The following ZNF274 variants were observed in gnomAD, a reference collection of about 807,000 sequenced individuals.
ZNF274 encodes zinc finger protein 274.
A neutral mutation model predicts 42.5 loss-of-function variants in ZNF274; 23 were observed. That is an observed-to-expected ratio of 0.54 (90% confidence interval 0.39 to 0.77). The LOEUF (loss-of-function observed/expected upper bound fraction) is 0.77, where lower values mean the gene tolerates loss of function less well. ZNF274 is among the 30% of genes least tolerant of loss of function. The pLI, the probability that ZNF274 is intolerant of heterozygous loss-of-function variation, is 0.00. For missense variants in ZNF274, 679 were observed against 806.5 expected, an observed-to-expected ratio of 0.84 and a Z score of 1.91; for synonymous variants, 292 against 305.4, an observed-to-expected ratio of 0.96 and a Z score of 0.46.
intron 4 of ZNF274, among the ~76,000 whole-genome samples, chr19:58,196,540 AAGTT>A (rs1296119064): frequency 2.0e-5 from 3 of 152,202 alleles, no homozygotes; most frequent in Admixed American, 1.3e-4. Flanking sequence ...AAAAAAAACA[AAGTT>A]AAGTAGGAAA....
rs113292191 is a variant in ZNF274, at chr19:58,204,346, A to AG, written c.257-2367dup. Among the ~76,000 whole-genome samples the AG allele has an allele frequency of 9.2e-5, 14 of 151,576 alleles. No homozygotes were observed. The South Asian group carries it at 1.5e-3, about 16-fold the overall frequency. On this transcript the variant is annotated intron_variant, in intron 4 of 7. Coordinates refer to ENST00000617501, the MANE Select transcript of ZNF274 (RefSeq NM_133502.3). ...TAGTTCTGGGCGCTTTTCCGGGTCC[A>AG]GGGGGGGCAGGGTTCGAGGCGTGGC...
intron 4 of ZNF274, among the ~76,000 whole-genome samples, chr19:58,195,444 G>A (rs577265137): frequency 4.6e-5 from 7 of 152,252 alleles, no homozygotes; most frequent in Non-Finnish European, 8.8e-5. Context: ...AAAAACATCC[G>A]TGTGGAAGTC....
In ZNF274 at chr19:58,211,560, G is replaced by A; in HGVS notation, c.853G>A (p.Glu285Lys). The change falls in exon 7 of 8, where the codon GAG becomes AAG. Residue 285 changes from glutamate to lysine, a missense_variant and splice_region_variant. By Grantham distance (56) the Glu-to-Lys change is moderately conservative. This residue lies in a region of ZNF274 where 456 missense variants were observed against 590.1 expected (regional missense o/e 0.77). Transcript: ENST00000617501. The surrounding 1 kb of genome is among the most constrained non-coding windows in gnomAD (Gnocchi z 4.8). Reference sequence around the variant, plus strand: ...CATAGACACATATGTGATGTTACAGGAGCCAGTGACCTTCCAGGATGTGGC... The same window carrying A: ...CATAGACACATATGTGATGTTACAGAAGCCAGTGACCTTCCAGGATGTGGC... ...AICPVTVLPE[E>K]PVTFQDVAVD... 1.2e-6 allele frequency: 2 copies of A among 1,611,808 alleles called. No individual in the cohort carries two copies. Among genetic ancestry groups the A allele is most frequent in the Middle Eastern group, 1.7e-4 (1 of 6,046 alleles).
In ZNF274 at chr19:58,207,097, GC is replaced by G; in HGVS notation, c.635del (p.Ala212AspfsTer4). ...GCTGGTGCTGGAGCAGTTCCTAGGT[GC>G]ACTGCCTGTGAAGCTCCGGACATGG... The part of the protein sequence containing the change: ...ELLVLEQFLG[A>X]LPVKLRTWVE... On this transcript the variant is annotated frameshift_variant, in exon 5 of 8. Transcript: ENST00000617501. LOFTEE classifies it high-confidence loss of function. The surrounding 1 kb of genome is among the most constrained non-coding windows in gnomAD (Gnocchi z 5.6). The G allele has an allele frequency of 6.2e-7, 1 of 1,613,910 alleles. No individual in the cohort carries two copies. The highest frequency in any genetic ancestry group is 1.1e-5 in the South Asian group (1 of 91,008).
chr19:58,209,133 C>T (rs1282550425), intron 5 of ZNF274: 1 of 152,282 alleles, frequency 6.6e-6, no homozygotes, highest in Non-Finnish European at 1.5e-5. Context: ...TCCTGTCCCT[C>T]ATTCTTACCT....
chr19:58,195,685 G>A lies in ZNF274; in HGVS notation c.256+8643G>A, dbSNP rs188127990. On this transcript the variant is annotated intron_variant, in intron 4 of 7. Transcript: ENST00000617501. ...CCCAACCTTTTTGGCACTAGGGACCGGTTTTGTGGAAGACAGTTTTTCCGT... is the reference window on the plus strand; with the variant it reads ...CCCAACCTTTTTGGCACTAGGGACCAGTTTTGTGGAAGACAGTTTTTCCGT... 1.3e-3 allele frequency among the ~76,000 whole-genome samples: 197 copies of A among 152,234 alleles called. 2 individuals carry two copies. Among genetic ancestry groups the A allele is most frequent in the African/African-American group, 4.4e-3 (182 of 41,530 alleles).
chr19:58,193,838 A>G (rs980549890), intron 4 of ZNF274, among the ~76,000 whole-genome samples: 1 of 151,554 alleles, frequency 6.6e-6, no homozygotes, highest in African/African-American at 2.4e-5. Context: ...AGGCAGGAGG[A>G]TTGCTTGAGC....
At chr19:58,203,172 C>T (rs75550625) in intron 4 of ZNF274, among the ~76,000 whole-genome samples, 1 of 152,140 alleles carries the variant, frequency 6.6e-6, no homozygotes, top group Non-Finnish European at 1.5e-5. Flanking sequence ...TTAGCCCCCC[C>T]CCAGGAAGTA....
intron 4 of ZNF274, among the ~76,000 whole-genome samples, chr19:58,200,468 G>C (rs2075896681): frequency 6.6e-6 from 1 of 152,212 alleles, no homozygotes; most frequent in African/African-American, 2.4e-5. Context: ...GGATACATTG[G>C]TGGGGGACAA....
chr19:58,209,205 C>T (rs1369769401), intron 5 of ZNF274: 5 of 152,328 alleles, frequency 3.3e-5, no homozygotes, highest in Non-Finnish European at 7.3e-5. Context: ...TTTCTCTTTC[C>T]CAAATGTTCC....
At position 58,212,517 on chromosome 19, in the gene ZNF274, C is replaced by T. The variant is rs531055064; in HGVS notation, c.1336C>T (p.Pro446Ser). The stretch of plus-strand genomic sequence containing the variant: ...CCAAGTTTTGCTCCACAAAATTCCT[C>T]CTAGAAAACGATTGCGCAAACGTGA... ...TNQVLLHKIP[P>S]RKRLRKRDSQ... is the part of the protein sequence containing the mutation. The change falls in exon 8 of 8, where the codon CCT (proline) becomes TCT (serine). Residue 446 changes from proline (P) to serine (S), a missense_variant. By Grantham distance (74) the Pro-to-Ser change is moderately conservative. Around this residue, in one of 2 missense-constraint regions of ZNF274, gnomAD observed 456 missense variants for 590.1 expected, o/e 0.77. Coordinates refer to ENST00000617501, the MANE Select transcript of ZNF274 (RefSeq NM_133502.3). The surrounding 1 kb of genome is among the most constrained non-coding windows in gnomAD (Gnocchi z 4.6). The T allele has an allele frequency of 1.9e-6, 3 of 1,613,948 alleles. No individual in the cohort carries two copies. In the African/African-American group the frequency reaches 4.0e-5, roughly 22 times the overall value.
intron 4 of ZNF274, among the ~76,000 whole-genome samples, chr19:58,198,380 G>A (rs1026814495): frequency 6.6e-6 from 1 of 152,114 alleles, no homozygotes; most frequent in Non-Finnish European, 1.5e-5. Context: ...TAAAGTATAT[G>A]ACATTTTAAT....
chr19:58,209,347 G>T (rs892286731), intron 5 of ZNF274: 4 of 152,398 alleles, frequency 2.6e-5, no homozygotes, highest in African/African-American at 9.7e-5. Flanking sequence ...TTGATGGTGG[G>T]GGTAGATTAG....
chr19:58,184,565 G>T (rs1045542649), intron 2 of ZNF274: 11 of 153,918 alleles, frequency 7.1e-5, no homozygotes, highest in African/African-American at 2.4e-4. Flanking sequence ...CGACCATCTC[G>T]GCCTCCCAAA....
intron 6 of ZNF274, 60 bp downstream of exon 6, chr19:58,210,133 C>A (rs998368525): frequency 1.4e-6 from 2 of 1,382,024 alleles, no homozygotes; most frequent in South Asian, 1.2e-5. Flanking sequence ...AGGCCCACCC[C>A]TGAGGCATCC....
At chr19:58,201,590 C>G (rs2075912219) in intron 4 of ZNF274, among the ~76,000 whole-genome samples, 1 of 151,334 alleles carries the variant, frequency 6.6e-6, no homozygotes, top group African/African-American at 2.4e-5. Flanking sequence ...GATCTTAGCT[C>G]ACTGTAACCT....
At position 58,212,690 on chromosome 19, in the gene ZNF274, G is replaced by T; in HGVS notation, c.1509G>T (p.Gly503=). 1 of 1,613,998 alleles carries T rather than the reference G, an allele frequency of 6.2e-7. No individual in the cohort carries two copies. The highest frequency in any genetic ancestry group is 1.1e-5 in the South Asian group (1 of 91,084). Reference sequence around the variant, plus strand: ...TTACGTTTATAAGAATTCACAAGGGGAGCCAAGTTTGCCGATGCAGTGAAT... The same window carrying T: ...TTACGTTTATAAGAATTCACAAGGGTAGCCAAGTTTGCCGATGCAGTGAAT... The part of the protein sequence containing the change: ...KQITFIRIHK[G]SQVCRCSECG... The change falls in exon 8 of 8, where the codon GGG becomes GGT. Residue 503 remains glycine, a synonymous_variant. Coordinates refer to ENST00000617501, the MANE Select transcript of ZNF274 (RefSeq NM_133502.3). The surrounding 1 kb of genome is among the most constrained non-coding windows in gnomAD (Gnocchi z 4.6).
In ZNF274 at chr19:58,213,191, A is replaced by C. The variant is rs763312506; in HGVS notation, c.*48A>C. The C allele has an allele frequency of 5.0e-5, 78 of 1,559,450 alleles. No individual in the cohort carries two copies. In the East Asian group the frequency reaches 1.7e-3, roughly 34 times the overall value. Reference sequence around the variant, plus strand: ...CTTGCCTTTTCAGCTTGACCCTGCAATATAACATGCACAGGCCTGCTTGTG... The same window carrying C: ...CTTGCCTTTTCAGCTTGACCCTGCACTATAACATGCACAGGCCTGCTTGTG... On this transcript the variant is annotated 3_prime_UTR_variant, in exon 8 of 8. Transcript: ENST00000617501.
chr19:58,188,694 G>GTATATATATATATA lies in ZNF274; in HGVS notation c.256+1669_256+1682dup, dbSNP rs71925177. 6.0e-3 allele frequency among the ~76,000 whole-genome samples: 447 copies of GTATATATATATATA among 74,566 alleles called. 8 individuals are homozygous for GTATATATATATATA. Among genetic ancestry groups the GTATATATATATATA allele is most frequent in the Non-Finnish European group, 6.6e-3 (262 of 39,854 alleles). 48.9% of individuals were successfully genotyped at this position (74,566 alleles called of 152,430 possible). A position where few individuals can be genotyped will look rare whatever the true frequency, so the allele number is the denominator to read the frequency against. ...TGTGTGTGTATATATATATGTATATGTATATATATATATATATATATATAT... is the reference window on the plus strand; with the variant it reads ...TGTGTGTGTATATATATATGTATATGTATATATATATATATATATATATATATATATATATATAT... On this transcript the variant is annotated intron_variant, in intron 4 of 7. Transcript: ENST00000617501.
Sources: allele counts gnomAD v4.1 joint callset (sites outside exome capture counted in the v4.1 genomes callset), GRCh38; gene constraint gnomAD v4.1.1; regional missense constraint gnomAD v4.1.1; non-coding constraint Gnocchi (gnomAD v3.1); transcripts MANE v1.5; gene names NCBI Gene and HGNC (gene_info 2026-07-23, HGNC 2026-07-21).